ST6GAL2: variants seen among roughly 807,000 people sequenced by gnomAD.
ST6GAL2 encodes ST6 beta-galactoside alpha-2,6-sialyltransferase 2.
ST6GAL2 carries 24 observed loss-of-function variants against 37.5 expected under a neutral mutation model. The ratio of observed to expected loss-of-function variants is 0.64; its 90% CI spans 0.46 to 0.90. The LOEUF is 0.90. Ranked by LOEUF, ST6GAL2 falls within the 40% of genes least tolerant of loss-of-function variation. The probability of loss-of-function intolerance (pLI) is 0.00; values close to 1 mark genes in which losing one functional copy is unlikely to be tolerated. For synonymous variants in ST6GAL2, 306 were observed against 295.1 expected, an observed-to-expected ratio of 1.04 and a Z score of -0.38; for missense variants, 715 against 712.7, an observed-to-expected ratio of 1.00 and a Z score of -0.04.
chr2:106,859,898 C>G (rs974963463), intron 1 of ST6GAL2, among the ~76,000 whole-genome samples: 1 of 151,926 alleles, frequency 6.6e-6, no homozygotes, highest in African/African-American at 2.4e-5. Context: ...AAAAATTACC[C>G]TTTGCCGTGG....
rs1376478103 is a variant in ST6GAL2 at position 106,845,544 on chromosome 2, AAC to A, written c.-57-1512_-57-1511del. The stretch of plus-strand genomic sequence containing the variant: ...CCCAGTACAGGCTGACCAATGCCAA[AAC>A]ACAAAGGCATGTAGGGCATGGCTGT... On this transcript the variant is annotated intron_variant, in intron 1 of 5. Transcript: ENST00000409382. 3.9e-5 allele frequency among the ~76,000 whole-genome samples: 6 copies of A among 152,320 alleles called. No homozygotes were observed. In the East Asian group the frequency reaches 1.2e-3, roughly 29 times the overall value.
Position 106,840,288 on chromosome 2 carries a change from T to G in ST6GAL2, c.943+2747A>C, listed in dbSNP as rs534113500. ...ATTTCGCTACACCATGCCCCCAATA[T>G]TCTAAGCTGCCTGAAGGAATTTGCT... On this transcript the variant is annotated intron_variant, in intron 2 of 5. Transcript: ENST00000409382. Among the ~76,000 whole-genome samples, 8 of 152,316 alleles carry G rather than the reference T, an allele frequency of 5.3e-5. No individual in the cohort carries two copies. In the East Asian group the frequency reaches 1.3e-3, roughly 26 times the overall value.
At position 106,828,741 on chromosome 2, in the gene ST6GAL2, T is replaced by G. The variant is rs142310081; in HGVS notation, c.1318+1325A>C. Among the ~76,000 whole-genome samples, 396 of 152,260 alleles carry G rather than the reference T, an allele frequency of 2.6e-3. 2 individuals carry two copies. The highest frequency in any genetic ancestry group is 9.0e-3 in the African/African-American group (375 of 41,548). On this transcript the variant is annotated intron_variant, in intron 5 of 5. Coordinates refer to ENST00000409382, the MANE Select transcript of ST6GAL2 (RefSeq NM_001142351.2). Reference sequence around the variant, plus strand: ...TCATTAAAACTGGGGAAGAGAACATTACAGTTCTTTAAAGACAAAACCAAT... The same window carrying G: ...TCATTAAAACTGGGGAAGAGAACATGACAGTTCTTTAAAGACAAAACCAAT...
chr2:106,872,908 G>T (rs1322868065), intron 1 of ST6GAL2, among the ~76,000 whole-genome samples: 4 of 151,174 alleles, frequency 2.6e-5, no homozygotes, highest in South Asian at 4.2e-4. Context: ...TTTTTATTTC[G>T]ATTCTAGTAC....
chr2:106,812,940 A>G (rs932130930), intron 5 of ST6GAL2: 5 of 851,576 alleles, frequency 5.9e-6, no homozygotes, highest in Admixed American at 4.4e-5. Flanking sequence ...CAAAAAATTA[A>G]CAACTTTATC....
intron 1 of ST6GAL2, among the ~76,000 whole-genome samples, chr2:106,851,503 A>C (rs1470866931): frequency 6.6e-6 from 1 of 152,252 alleles, no homozygotes; most frequent in Non-Finnish European, 1.5e-5. Context: ...ACGCTGCCAC[A>C]GAGGAACATT....
At chr2:106,812,977 C>T in intron 5 of ST6GAL2, 1 of 1,120,042 alleles carries the variant, frequency 8.9e-7, no homozygotes, top group South Asian at 4.7e-5. Context: ...CTGCTTTCAA[C>T]ATGAGGCTGG....
At chr2:106,850,049 A>G (rs953959606) in intron 1 of ST6GAL2, among the ~76,000 whole-genome samples, 1 of 152,182 alleles carries the variant, frequency 6.6e-6, no homozygotes, top group Non-Finnish European at 1.5e-5. Context: ...ATGGTCACTC[A>G]CATTGGCTCA....
intron 5 of ST6GAL2, among the ~76,000 whole-genome samples, chr2:106,810,247 G>C (rs1573200569): frequency 6.6e-6 from 1 of 152,276 alleles, no homozygotes; most frequent in East Asian, 1.9e-4. Context: ...AAATAGTTAT[G>C]CTTTCAATAT....
intron 5 of ST6GAL2, among the ~76,000 whole-genome samples, chr2:106,821,420 G>T (rs1390934793): frequency 6.6e-6 from 1 of 150,762 alleles, no homozygotes; most frequent in South Asian, 2.1e-4. Context: ...GGAAAACCTA[G>T]AAAAAATTAA....
intron 1 of ST6GAL2, among the ~76,000 whole-genome samples, chr2:106,868,516 C>T (rs910629459): frequency 3.3e-5 from 5 of 152,112 alleles, no homozygotes; most frequent in South Asian, 4.2e-4. Context: ...TTTTTAGAAC[C>T]GGCCATAATA....
chr2:106,819,731 T>C (rs1227532163), intron 5 of ST6GAL2, among the ~76,000 whole-genome samples: 1 of 151,970 alleles, frequency 6.6e-6, no homozygotes, highest in African/African-American at 2.4e-5. Context: ...CTGTAAACTA[T>C]TCATATCTTG....
chr2:106,810,769 G>A (rs1675576788), intron 5 of ST6GAL2, among the ~76,000 whole-genome samples: 1 of 152,108 alleles, frequency 6.6e-6, no homozygotes, highest in Admixed American at 6.6e-5. Context: ...GGACAACATG[G>A]TGAAACCCCG....
At position 106,852,011 on chromosome 2, in the gene ST6GAL2, C is replaced by T. The variant is rs573644757; in HGVS notation, c.-57-7977G>A. Among the ~76,000 whole-genome samples, 5 of 152,308 alleles carry T rather than the reference C, an allele frequency of 3.3e-5. No homozygotes were observed. In the East Asian group the frequency reaches 9.7e-4, roughly 29 times the overall value. ...CAGCTGGAATTCTTTTATCTCTTAA[C>T]ACCCTTATTGGCACTTTTTACAAAT... On this transcript the variant is annotated intron_variant, in intron 1 of 5. Transcript: ENST00000409382.
At chr2:106,841,875 A>C (rs147048812) in intron 2 of ST6GAL2, among the ~76,000 whole-genome samples, 2 of 152,358 alleles carry the variant, frequency 1.3e-5, no homozygotes, top group Non-Finnish European at 2.9e-5. Context: ...CTAGGAAGAA[A>C]TAGTGATGGC....
intron 1 of ST6GAL2, among the ~76,000 whole-genome samples, chr2:106,860,964 T>G (rs916679054): frequency 1.4e-4 from 21 of 152,136 alleles, no homozygotes; most frequent in Non-Finnish European, 7.3e-5. Flanking sequence ...AAACTTTTGC[T>G]GCCTTCAGCA....
chr2:106,880,619 C>T (rs1465877159), intron 1 of ST6GAL2, among the ~76,000 whole-genome samples: 1 of 152,188 alleles, frequency 6.6e-6, no homozygotes, highest in Non-Finnish European at 1.5e-5. Flanking sequence ...CATATGTATC[C>T]TATTTATAAT....
At chr2:106,847,453 G>GTATAC (rs1230762907) in intron 1 of ST6GAL2, among the ~76,000 whole-genome samples, 114 of 152,322 alleles carry the variant, frequency 7.5e-4, no homozygotes, top group African/African-American at 2.6e-3. Context: ...ATCCCATTGG[G>GTATAC]TGCACTGCAG....
intron 5 of ST6GAL2, among the ~76,000 whole-genome samples, chr2:106,807,590 AATC>A (rs1675459911): frequency 6.6e-6 from 1 of 151,892 alleles, no homozygotes; most frequent in South Asian, 2.1e-4. Flanking sequence ...TGTTTCAAAT[AATC>A]AGCTATAACA....
Sources: gnomAD v4.1 joint callset for allele counts (sites outside exome capture counted in the v4.1 genomes callset) on GRCh38, gnomAD v4.1.1 for gene constraint, MANE v1.5 for transcripts, NCBI Gene and HGNC (gene_info 2026-07-23, HGNC 2026-07-21) for gene names.